JARID2: variants seen among roughly 807,000 people sequenced by gnomAD.
JARID2 encodes the protein jumonji and AT-rich interaction domain containing 2.
JARID2 carries 21 observed loss-of-function variants against 125.6 expected under a neutral mutation model. The ratio of observed to expected loss-of-function variants is 0.17; its 90% CI spans 0.12 to 0.24. The LOEUF is 0.24. JARID2 is among the 10% of genes least tolerant of loss of function. The pLI, the probability that JARID2 is intolerant of heterozygous loss-of-function variation, is 1.00. For missense variants in JARID2, 1,303 were observed against 1,639.6 expected, an observed-to-expected ratio of 0.79 and a Z score of 3.55; for synonymous variants, 736 against 661.6, an observed-to-expected ratio of 1.11 and a Z score of -1.73.
chr6:15,300,738 A>AG (rs2127410629), intron 1 of JARID2, among the ~76,000 whole-genome samples: 1 of 150,770 alleles, frequency 6.6e-6, no homozygotes, highest in South Asian at 2.1e-4. Flanking sequence ...AGAGAGAGAG[A>AG]GAGAGAGAGA....
intron 6 of JARID2, among the ~76,000 whole-genome samples, chr6:15,488,001 C>T (rs1343463459): frequency 6.6e-6 from 1 of 152,218 alleles, no homozygotes; most frequent in Non-Finnish European, 1.5e-5. Context: ...TATGTGCATG[C>T]TGTGTGCACT....
chr6:15,380,749 G>C (rs1363723413), intron 2 of JARID2, among the ~76,000 whole-genome samples: 1 of 152,098 alleles, frequency 6.6e-6, no homozygotes, highest in African/African-American at 2.4e-5. Flanking sequence ...AAAGATTCTT[G>C]ATGTGTGTGG....
intron 6 of JARID2, among the ~76,000 whole-genome samples, chr6:15,493,167 A>G (rs748986470): frequency 1.3e-5 from 2 of 152,028 alleles, no homozygotes; most frequent in Admixed American, 6.6e-5. Context: ...GAGATAGAAT[A>G]TGAGAGACAT....
At chr6:15,427,558 C>A (rs1382792110) in intron 3 of JARID2, among the ~76,000 whole-genome samples, 1 of 151,964 alleles carries the variant, frequency 6.6e-6, no homozygotes, top group Non-Finnish European at 1.5e-5. Flanking sequence ...TCTTTCCTTC[C>A]TCCTCTAAGC....
Position 15,246,122 on chromosome 6 carries a change from A to AT in JARID2, c.-412dup, listed in dbSNP as rs1321669463. 1.3e-5 allele frequency among the ~76,000 whole-genome samples: 2 copies of AT among 151,932 alleles called. No individual in the cohort carries two copies. The highest frequency in any genetic ancestry group is 4.8e-5 in the African/African-American group (2 of 41,334). The stretch of plus-strand genomic sequence containing the variant: ...CTGCAGCACAAACGTGACTTCCAAC[A>AT]TTTTTTATTTATCTTTCCCTTTTCT... On this transcript the variant is annotated 5_prime_UTR_variant, in exon 1 of 18. Coordinates refer to ENST00000341776, the MANE Select transcript of JARID2 (RefSeq NM_004973.4).
At chr6:15,249,552 C>G (rs1056897548) in intron 1 of JARID2, among the ~76,000 whole-genome samples, 22 of 152,272 alleles carry the variant, frequency 1.4e-4, no homozygotes, top group Non-Finnish European at 1.0e-4. Context: ...GCCATTGCCA[C>G]TTAACTAAGT....
chr6:15,405,759 T>G (rs887172104), intron 2 of JARID2, among the ~76,000 whole-genome samples: 1 of 152,200 alleles, frequency 6.6e-6, no homozygotes, highest in African/African-American at 2.4e-5. Flanking sequence ...CTAAAAATAA[T>G]AATTTTAACA....
intron 4 of JARID2, among the ~76,000 whole-genome samples, chr6:15,455,731 C>CT (rs995456022): frequency 2.6e-5 from 4 of 152,128 alleles, no homozygotes; most frequent in Non-Finnish European, 4.4e-5. Context: ...GGGGTTTCAC[C>CT]ATGTTAGGCT....
At chr6:15,253,339 A>C (rs936743676) in intron 1 of JARID2, among the ~76,000 whole-genome samples, 4 of 152,180 alleles carry the variant, frequency 2.6e-5, no homozygotes, top group African/African-American at 9.7e-5. Context: ...TTGGAATTAC[A>C]GGCGTGAGCC....
At chr6:15,268,826 A>G (rs988601645) in intron 1 of JARID2, among the ~76,000 whole-genome samples, 2 of 152,220 alleles carry the variant, frequency 1.3e-5, no homozygotes, top group Non-Finnish European at 2.9e-5. Flanking sequence ...TCTCTCATTT[A>G]AAAGCATTAG....
chr6:15,327,556 T>C (rs7751769), intron 1 of JARID2, among the ~76,000 whole-genome samples: 7,683 of 134,396 alleles, frequency 0.057, 646 homozygotes, highest in African/African-American at 0.2. Context: ...TGTGTGCGCG[T>C]GTGTGTGCGT....
At chr6:15,441,256 G>T (rs1767434086) in intron 3 of JARID2, among the ~76,000 whole-genome samples, 1 of 152,220 alleles carries the variant, frequency 6.6e-6, no homozygotes, top group Non-Finnish European at 1.5e-5. Flanking sequence ...TAATGAGTTG[G>T]AGGGGTGAGA....
intron 5 of JARID2, 81 bp from the exon 6 acceptor site, chr6:15,487,226 C>A: frequency 8.3e-7 from 1 of 1,200,802 alleles, no homozygotes; most frequent in Non-Finnish European, 1.2e-6. Flanking sequence ...TGGGTGGGGA[C>A]ACAGAGCCAA....
chr6:15,420,293 C>T (rs1766425031), intron 3 of JARID2, among the ~76,000 whole-genome samples: 1 of 151,840 alleles, frequency 6.6e-6, no homozygotes. Flanking sequence ...ATCCCAGCTA[C>T]TCAGGAGGCT....
At chr6:15,359,022 T>TGCAGAA (rs1403905308) in intron 1 of JARID2, among the ~76,000 whole-genome samples, 1 of 152,208 alleles carries the variant, frequency 6.6e-6, no homozygotes, top group Non-Finnish European at 1.5e-5. Context: ...CAGTGAGTGC[T>TGCAGAA]GCAGAAGCTT....
At chr6:15,468,469 C>T in intron 4 of JARID2, 73 bp from the exon 5 acceptor site, 4 of 1,353,976 alleles carry the variant, frequency 3.0e-6, no homozygotes, top group Non-Finnish European at 3.0e-6. Flanking sequence ...GGTTTTGTTT[C>T]ATTGTGGTGT....
intron 5 of JARID2, 56 bp downstream of exon 5, chr6:15,468,774 G>A: frequency 6.5e-7 from 1 of 1,528,304 alleles, no homozygotes; most frequent in Non-Finnish European, 8.9e-7. Context: ...GGTGAGAGCT[G>A]GAAGAGAGCC....
In JARID2 at chr6:15,454,964, G is replaced by GA. The variant is rs1414151801; in HGVS notation, c.493+2791dup. On this transcript the variant is annotated intron_variant, in intron 4 of 17. Coordinates refer to ENST00000341776, the MANE Select transcript of JARID2 (RefSeq NM_004973.4). ...GTGTGGTGTGATGATCAGGAATGGA[G>GA]AACGAGTGGGATGTGTACTCAGAAG... 2.0e-5 allele frequency among the ~76,000 whole-genome samples: 3 copies of GA among 152,264 alleles called. No individual in the cohort carries two copies. The South Asian group carries it at 6.2e-4, about 32-fold the overall frequency.
At chr6:15,519,975 C>A in intron 17 of JARID2, 94 bp from the exon 18 acceptor site, 1 of 965,804 alleles carries the variant, frequency 1.0e-6, no homozygotes, top group Non-Finnish European at 1.5e-6. Flanking sequence ...GGGACCGCTG[C>A]CCTCTGCCCT....
Sources: gnomAD v4.1 joint callset for allele counts (sites outside exome capture counted in the v4.1 genomes callset) on GRCh38, gnomAD v4.1.1 for gene constraint, MANE v1.5 for transcripts, NCBI Gene and HGNC (gene_info 2026-07-23, HGNC 2026-07-21) for gene names.